RXFP1: variants seen among roughly 807,000 people sequenced by gnomAD.
The protein encoded by RXFP1 is relaxin receptor 1.
RXFP1 carries 73 observed loss-of-function variants against 89.8 expected under a neutral mutation model. The observed-to-expected ratio is 0.81, with a 90% CI of 0.67 to 0.99. RXFP1 has a LOEUF of 0.99. Among genes scored for constraint, RXFP1 ranks in the 50% least tolerant of loss-of-function variants. RXFP1 has a pLI of 0.00. For synonymous variants in RXFP1, 277 were observed against 305.5 expected (o/e 0.91, Z 0.97); for missense variants, 793 against 895.5 (o/e 0.89, Z 1.46).
intron 17 of RXFP1, among the ~76,000 whole-genome samples, chr4:158,649,068 G>A (rs1440283632): frequency 6.6e-6 from 1 of 151,440 alleles, no homozygotes; most frequent in African/African-American, 2.4e-5. Context: ...AGCCGAAATT[G>A]CACCACTACA....
At chr4:158,572,217 T>C (rs1418251663) in intron 1 of RXFP1, among the ~76,000 whole-genome samples, 1 of 152,216 alleles carries the variant, frequency 6.6e-6, no homozygotes, top group Non-Finnish European at 1.5e-5. Context: ...TTTCCTCTCC[T>C]TAACCTACTC....
At chr4:158,547,372 C>G (rs1579501378) in intron 1 of RXFP1, among the ~76,000 whole-genome samples, 2 of 152,042 alleles carry the variant, frequency 1.3e-5, no homozygotes, top group East Asian at 1.9e-4. Flanking sequence ...AGCTGTCTAT[C>G]AATTTTGTTG....
At chr4:158,568,140 G>A (rs868077394) in intron 1 of RXFP1, among the ~76,000 whole-genome samples, 2 of 152,116 alleles carry the variant, frequency 1.3e-5, no homozygotes, top group African/African-American at 2.4e-5. Flanking sequence ...GTGAGACCAC[G>A]AACCCACCAG....
intron 1 of RXFP1, among the ~76,000 whole-genome samples, chr4:158,534,173 G>A (rs911778511): frequency 1.3e-5 from 2 of 151,694 alleles, no homozygotes. Context: ...GATTTTTAAT[G>A]TATATTATAA....
At chr4:158,577,012 TTTCTTCTTCTTCTTC>T (rs3085268) in intron 2 of RXFP1, among the ~76,000 whole-genome samples, 1 of 150,238 alleles carries the variant, frequency 6.7e-6, no homozygotes, top group African/African-American at 2.4e-5. Context: ...AGGCTGTTCT[TTTCTTCTTCTTCTTC>T]TTCTTCTTCT....
intron 8 of RXFP1, 40 bp downstream of exon 8, chr4:158,612,402 A>G (rs529476168): frequency 6.6e-5 from 91 of 1,382,400 alleles, no homozygotes; most frequent in Non-Finnish European, 8.8e-5. Context: ...ATCAAAGGCA[A>G]AGACATGAAT....
intron 2 of RXFP1, among the ~76,000 whole-genome samples, chr4:158,587,649 T>C (rs1026992232): frequency 6.6e-6 from 1 of 152,210 alleles, no homozygotes; most frequent in Admixed American, 6.5e-5. Flanking sequence ...AGAAAAGAAA[T>C]ACAATAATAA....
chr4:158,530,404 C>T (rs969411876), intron 1 of RXFP1, among the ~76,000 whole-genome samples: 2 of 152,154 alleles, frequency 1.3e-5, no homozygotes, highest in African/African-American at 4.8e-5. Flanking sequence ...CTTCTCTCAC[C>T]CTCTGTTGCT....
chr4:158,574,908 T>G (rs1755892590), intron 2 of RXFP1, among the ~76,000 whole-genome samples: 1 of 152,204 alleles, frequency 6.6e-6, no homozygotes, highest in Non-Finnish European at 1.5e-5. Context: ...AACAACGTCT[T>G]GTTAAAATAA....
chr4:158,550,003 C>A (rs1749672681), intron 1 of RXFP1, among the ~76,000 whole-genome samples: 1 of 152,238 alleles, frequency 6.6e-6, no homozygotes, highest in Non-Finnish European at 1.5e-5. Context: ...TTTAAGCCTG[C>A]AGAGGTTACT....
At chr4:158,574,647 C>T in intron 2 of RXFP1, among the ~76,000 whole-genome samples, 1 of 152,200 alleles carries the variant, frequency 6.6e-6, no homozygotes, top group East Asian at 1.9e-4. Flanking sequence ...TAATACATGC[C>T]TCTGAGCTTT....
At chr4:158,528,881 G>A (rs779606834) in intron 1 of RXFP1, among the ~76,000 whole-genome samples, 2 of 152,200 alleles carry the variant, frequency 1.3e-5, no homozygotes, top group African/African-American at 4.8e-5. Flanking sequence ...GTGCTTCACC[G>A]CTCCTATAAC....
intron 11 of RXFP1, among the ~76,000 whole-genome samples, chr4:158,629,068 T>A (rs1767516737): frequency 6.6e-6 from 1 of 151,912 alleles, no homozygotes; most frequent in Non-Finnish European, 1.5e-5. Context: ...TTGTTTGTTT[T>A]GAGACAGGGT....
At chr4:158,587,319 A>T (rs1015513759) in intron 2 of RXFP1, among the ~76,000 whole-genome samples, 1 of 152,236 alleles carries the variant, frequency 6.6e-6, no homozygotes, top group African/African-American at 2.4e-5. Context: ...TGTAACATCG[A>T]TAAACATATA....
chr4:158,652,218 G>A lies in RXFP1; in HGVS notation c.*163G>A. On this transcript the variant is annotated 3_prime_UTR_variant, in exon 18 of 18. Coordinates refer to ENST00000307765, the MANE Select transcript of RXFP1 (RefSeq NM_021634.4). ...TAAAAATGACTAATGCTCTTACAAA[G>A]GGAAGTAATTATATCAATAATGTAT... is the stretch of plus-strand genomic sequence containing the variant. 2 of 572,216 alleles carry A rather than the reference G, an allele frequency of 3.5e-6. No homozygotes were observed. The highest frequency in any genetic ancestry group is 5.9e-6 in the Non-Finnish European group (2 of 338,072). 35.4% of individuals were successfully genotyped at this position (572,216 alleles called of 1,614,324 possible). A position where few individuals can be genotyped will look rare whatever the true frequency, so the allele number is the denominator to read the frequency against.
At chr4:158,603,013 C>T (rs1761974974) in intron 4 of RXFP1, among the ~76,000 whole-genome samples, 1 of 152,208 alleles carries the variant, frequency 6.6e-6, no homozygotes, top group Admixed American at 6.5e-5. Flanking sequence ...TCACTGCAGC[C>T]TTGACCTCTG....
chr4:158,635,132 A>T (rs1768898680), intron 12 of RXFP1, among the ~76,000 whole-genome samples: 1 of 151,350 alleles, frequency 6.6e-6, no homozygotes, highest in South Asian at 2.1e-4. Context: ...CTGACATCTT[A>T]ATATTAAGTC....
At chr4:158,542,887 T>C (rs1427974145) in intron 1 of RXFP1, among the ~76,000 whole-genome samples, 3 of 152,056 alleles carry the variant, frequency 2.0e-5, no homozygotes, top group African/African-American at 7.2e-5. Flanking sequence ...AATAAGAACT[T>C]AAGAATCTTT....
At chr4:158,646,460 C>A (rs918028418) in intron 15 of RXFP1, 9 of 1,232,678 alleles carry the variant, frequency 7.3e-6, no homozygotes, top group Non-Finnish European at 9.3e-6. Context: ...GAATGCTCTA[C>A]GTGATTGCAT....
Sources: gnomAD v4.1 joint callset for allele counts (sites outside exome capture counted in the v4.1 genomes callset) on GRCh38, gnomAD v4.1.1 for gene constraint, MANE v1.5 for transcripts, NCBI Gene and HGNC (gene_info 2026-07-23, HGNC 2026-07-21) for gene names.